FAM47E: variants seen among roughly 807,000 people sequenced by gnomAD.
FAM47E encodes the protein family with sequence similarity 47 member E.
FAM47E carries 32 observed loss-of-function variants against 41.6 expected under a neutral mutation model. That is an observed-to-expected ratio of 0.77 (90% CI 0.58 to 1.03). The LOEUF is 1.03. Ranked by LOEUF, FAM47E falls within the 50% of genes least tolerant of loss-of-function variation. FAM47E has a pLI of 0.00. For synonymous variants in FAM47E, 184 were observed against 188.7 expected (o/e 0.98, Z 0.20); for missense variants, 424 against 485.4 (o/e 0.87, Z 1.19).
At chr4:76,277,066 C>G (rs1209376289) in intron 5 of FAM47E, among the ~76,000 whole-genome samples, 1 of 152,174 alleles carries the variant, frequency 6.6e-6, no homozygotes, top group Non-Finnish European at 1.5e-5. Flanking sequence ...GTGGGTATTG[C>G]ATTCACAGTA....
upstream of FAM47E, among the ~76,000 whole-genome samples, chr4:76,248,852 A>G (rs1237989577): frequency 1.3e-5 from 2 of 152,098 alleles, no homozygotes; most frequent in Non-Finnish European, 2.9e-5. Context: ...ACAGTAATCA[A>G]GTGAGTATAT....
chr4:76,248,192 G>C (rs1733873340), upstream of FAM47E, among the ~76,000 whole-genome samples: 1 of 151,952 alleles, frequency 6.6e-6, no homozygotes, highest in Non-Finnish European at 1.5e-5. Context: ...GGGATTACAG[G>C]TGTGAGCCAC....
chr4:76,278,263 G>C, intron 6 of FAM47E, 39 bp downstream of exon 6: 2 of 1,451,670 alleles, frequency 1.4e-6, no homozygotes. Flanking sequence ...CTGAGCTTCA[G>C]ATGATCACAG....
chr4:76,268,886 T>C (rs1734763055), intron 4 of FAM47E, 118 bp downstream of exon 4: 2 of 1,302,012 alleles, frequency 1.5e-6, no homozygotes, highest in African/African-American at 3.0e-5. Context: ...AAAACAGTAT[T>C]GGATAAAATC....
chr4:76,275,426 C>T lies in FAM47E; in HGVS notation c.871-2643C>T, dbSNP rs140877102. On this transcript the variant is annotated intron_variant, in intron 5 of 7. Transcript: ENST00000424749. ...CTCTATTTTATATATCTTTCTTTGC[C>T]GTCTATATTAATTCATCAATTTGTG... Among the ~76,000 whole-genome samples the T allele has an allele frequency of 6.9e-3, 1,051 of 152,170 alleles. 12 individuals carry two copies. Among genetic ancestry groups the T allele is most frequent in the African/African-American group, 0.024 (992 of 41,502 alleles).
At position 76,224,900 on chromosome 4, in the gene FAM47E, G is replaced by A. The variant is rs913922114; in HGVS notation, c.81+7212G>A. 5.3e-5 allele frequency among the ~76,000 whole-genome samples: 8 copies of A among 151,820 alleles called. No homozygotes were observed. In the East Asian group the frequency reaches 9.7e-4, roughly 18 times the overall value. On this transcript the variant is annotated intron_variant, in intron 2 of 7. Transcript: ENST00000510197. The stretch of plus-strand genomic sequence containing the variant: ...ATGTGTAGTCTTTTATCCCTCACCC[G>A]CCTCCTACCCTTCCCCCCAAGTCCC...
At chr4:76,260,824 G>A (rs180923427) in intron 2 of FAM47E, among the ~76,000 whole-genome samples, 6 of 152,172 alleles carry the variant, frequency 3.9e-5, no homozygotes, top group Admixed American at 3.9e-4. Context: ...TGTGACAAAG[G>A]ACTAATGTCT....
intron 5 of FAM47E, among the ~76,000 whole-genome samples, chr4:76,274,354 T>C (rs1234319557): frequency 6.6e-6 from 1 of 152,164 alleles, no homozygotes; most frequent in Non-Finnish European, 1.5e-5. Flanking sequence ...GAAGTATCAC[T>C]TGAAGCCAGA....
chr4:76,224,619 G>C (rs938129053), intron 2 of FAM47E, among the ~76,000 whole-genome samples: 34 of 152,256 alleles, frequency 2.2e-4, no homozygotes, highest in African/African-American at 8.2e-4. Flanking sequence ...GCAGAGTGCA[G>C]TGGCATGATT....
chr4:76,264,419 A>G (rs746007583), intron 3 of FAM47E, among the ~76,000 whole-genome samples: 15 of 151,820 alleles, frequency 9.9e-5, no homozygotes, highest in Non-Finnish European at 2.1e-4. Context: ...TCTTTTTTGC[A>G]TAAACCATAC....
intron 2 of FAM47E, among the ~76,000 whole-genome samples, chr4:76,231,673 T>C (rs1374517413): frequency 6.6e-6 from 1 of 152,236 alleles, no homozygotes; most frequent in Non-Finnish European, 1.5e-5. Flanking sequence ...CGATGGAAGT[T>C]TGTTCCACAA....
intron 2 of FAM47E, among the ~76,000 whole-genome samples, chr4:76,228,116 T>G (rs1216361541): frequency 2.6e-5 from 4 of 152,154 alleles, no homozygotes; most frequent in Admixed American, 2.6e-4. Context: ...GTTGTTGTTT[T>G]ATAGGCCCTG....
intron 2 of FAM47E, chr4:76,217,823 A>G (rs1733240064): frequency 2.5e-6 from 1 of 402,382 alleles, no homozygotes; most frequent in African/African-American, 2.0e-5. Flanking sequence ...TTAATGAATG[A>G]TTGCTGGTGC....
At chr4:76,257,959 A>G (rs1180450738) in intron 2 of FAM47E, among the ~76,000 whole-genome samples, 3 of 151,804 alleles carry the variant, frequency 2.0e-5, no homozygotes, top group East Asian at 1.9e-4. Flanking sequence ...TCGGTGGGAG[A>G]GAAGTCTACA....
rs1735208295 is a variant in FAM47E, at chr4:76,278,203, T to G, written c.1005T>G (p.Phe335Leu). ...CACATAAGGCTCAAGAGGAGAATTTTAAAAAGGAGCTGCAGGAACAGGTAT... is the reference window on the plus strand; with the variant it reads ...CACATAAGGCTCAAGAGGAGAATTTGAAAAAGGAGCTGCAGGAACAGGTAT... ...EVSHKAQEEN[F>L]KKELQEQEEL... The change falls in exon 6 of 8, where the codon TTT (phenylalanine) becomes TTG (leucine). Residue 335 changes from phenylalanine to leucine, a missense_variant. Phe to Leu is a conservative substitution (Grantham distance 22). Transcript: ENST00000424749. The G allele has an allele frequency of 6.5e-7, 1 of 1,541,380 alleles. No individual in the cohort carries two copies.
Position 76,283,466 on chromosome 4 carries a change from G to A in FAM47E, c.*8G>A, listed in dbSNP as rs1046600877. 9.3e-6 allele frequency: 14 copies of A among 1,497,574 alleles called. No homozygotes were observed. The highest frequency in any genetic ancestry group is 4.8e-5 in the South Asian group (4 of 82,852). 92.8% of individuals were successfully genotyped at this position (1,497,574 alleles called of 1,614,324 possible). A position where few individuals can be genotyped will look rare whatever the true frequency, so the allele number is the denominator to read the frequency against. On this transcript the variant is annotated 3_prime_UTR_variant, in exon 8 of 8. Transcript: ENST00000424749. The stretch of plus-strand genomic sequence containing the variant: ...AAACGAACTCAAGCATAGAAGAATC[G>A]TAGGAGAATGATTAGGCAGATTTTA...
Position 76,268,759 on chromosome 4 carries a change from T to G in FAM47E, c.660T>G (p.Leu220=). 1.3e-6 allele frequency: 2 copies of G among 1,551,496 alleles called. No homozygotes were observed. The highest frequency in any genetic ancestry group is 1.7e-6 in the Non-Finnish European group (2 of 1,146,926). Residue 220 remains leucine, a synonymous_variant, in exon 4 of 8, where the codon CTT becomes CTG. Coordinates refer to ENST00000424749, the MANE Select transcript of FAM47E (RefSeq NM_001136570.3). The part of the protein sequence containing the change: ...LLHENGPRPG[L]HENGISDIDE... ...ATGAAAATGGTCCTCGTCCTGGTCT[T>G]CATGAAAATGTATGCAAAGCAGTTA...
chr4:76,214,167 G>C, exon 1 of FAM47E: 1 of 452,208 alleles, frequency 2.2e-6, no homozygotes, highest in South Asian at 1.6e-5. Flanking sequence ...GATTCAAGGT[G>C]GCTGGGACAT....
chr4:76,218,866 A>C (rs1469170438), intron 2 of FAM47E, among the ~76,000 whole-genome samples: 1 of 152,218 alleles, frequency 6.6e-6, no homozygotes, highest in Non-Finnish European at 1.5e-5. Context: ...ATTATCTGCT[A>C]CTTGTACATA....
Sources: gnomAD v4.1 joint callset for allele counts (sites outside exome capture counted in the v4.1 genomes callset) on GRCh38, gnomAD v4.1.1 for gene constraint, MANE v1.5 for transcripts, NCBI Gene and HGNC (gene_info 2026-07-23, HGNC 2026-07-21) for gene names.